HNF4A: variants seen among roughly 807,000 people sequenced by gnomAD.
HNF4A encodes the protein hepatocyte nuclear factor 4-alpha.
In HNF4A, 15 loss-of-function variants were observed where a neutral mutation model predicts 52.4. That is an observed-to-expected ratio of 0.29 (90% CI 0.19 to 0.44). HNF4A has a LOEUF of 0.44. Ranked by LOEUF, HNF4A falls within the 20% of genes least tolerant of loss-of-function variation. The pLI, the probability that HNF4A is intolerant of heterozygous loss-of-function variation, is 1.00. For synonymous variants in HNF4A, 280 were observed against 264.4 expected (o/e 1.06, Z -0.57); for missense variants, 479 against 647.2 (o/e 0.74, Z 2.82).
chr20:44,430,458 G>A lies in HNF4A; in HGVS notation c.*793G>A, dbSNP rs2063865242. ...TGCAACAGGAACTTGGAGTGGAGAG[G>A]AAAAGCATCAGAAAGAGGCAGACCA... On this transcript the variant is annotated 3_prime_UTR_variant, in exon 10 of 10. Transcript: ENST00000316099. 1 of 152,470 alleles carries A rather than the reference G, an allele frequency of 6.6e-6. No individual in the cohort carries two copies. Among genetic ancestry groups the A allele is most frequent in the Non-Finnish European group, 1.5e-5 (1 of 68,170 alleles). 9.4% of individuals were successfully genotyped at this position (152,470 alleles called of 1,614,324 possible).
intron 1 of HNF4A, among the ~76,000 whole-genome samples, chr20:44,383,107 C>T (rs2063175660): frequency 6.6e-6 from 1 of 152,082 alleles, no homozygotes; most frequent in Non-Finnish European, 1.5e-5. Flanking sequence ...GACTTGGAGG[C>T]TGCAGTGAGC....
chr20:44,358,742 G>A (rs1366657378), intron 1 of HNF4A, among the ~76,000 whole-genome samples: 2 of 152,208 alleles, frequency 1.3e-5, no homozygotes, highest in Non-Finnish European at 1.5e-5. Flanking sequence ...CAGGGACATG[G>A]CACATAGCAG....
chr20:44,401,288 G>A lies in HNF4A; in HGVS notation c.-85G>A, dbSNP rs1188243461. ...AAGGAAGGCAGAGAGGGCACTGGGA[G>A]GAGGCAGTGGGAGGGCGGAGGGCGG... On this transcript the variant is annotated 5_prime_UTR_variant, in exon 1 of 10. Transcript: ENST00000316099. 47 of 1,604,504 alleles carry A rather than the reference G, an allele frequency of 2.9e-5. No homozygotes were observed. Among genetic ancestry groups the A allele is most frequent in the Non-Finnish European group, 3.8e-5 (45 of 1,177,442 alleles).
chr20:44,371,187 C>A (rs1413333791), intron 1 of HNF4A, among the ~76,000 whole-genome samples: 1 of 152,232 alleles, frequency 6.6e-6, no homozygotes, highest in African/African-American at 2.4e-5. Context: ...CACACAGGAT[C>A]TCAGGTACTT....
At position 44,429,519 on chromosome 20, in the gene HNF4A, C is replaced by T. The variant is rs1332980300; in HGVS notation, c.1283-4C>T. ...AGCCCCTGTCTGTCTGTTTGTCCTTCCAGCCACCCCTGAGACCCCACAGCC... is the reference window on the plus strand; with the variant it reads ...AGCCCCTGTCTGTCTGTTTGTCCTTTCAGCCACCCCTGAGACCCCACAGCC... On this transcript the variant is annotated splice_region_variant and splice_polypyrimidine_tract_variant and intron_variant, in intron 9 of 9. Transcript: ENST00000316099. 1.2e-6 allele frequency: 2 copies of T among 1,614,136 alleles called. No individual in the cohort carries two copies. Among genetic ancestry groups the T allele is most frequent in the South Asian group, 2.2e-5 (2 of 91,080 alleles).
chr20:44,406,688 G>T (rs150373196), intron 2 of HNF4A, among the ~76,000 whole-genome samples: 3 of 152,306 alleles, frequency 2.0e-5, no homozygotes, highest in Non-Finnish European at 2.9e-5. Flanking sequence ...GCCCTCTTTC[G>T]AAAGCATCTC....
chr20:44,387,240 A>G (rs962098588), intron 1 of HNF4A, among the ~76,000 whole-genome samples: 1 of 146,982 alleles, frequency 6.8e-6, no homozygotes, highest in African/African-American at 2.5e-5. Flanking sequence ...GCAAGCCGAG[A>G]TCGTGCCATT....
intron 3 of HNF4A, among the ~76,000 whole-genome samples, chr20:44,412,135 A>G (rs1341836343): frequency 6.6e-6 from 1 of 152,186 alleles, no homozygotes; most frequent in Non-Finnish European, 1.5e-5. Flanking sequence ...TTCATTGAGT[A>G]CCTACTGTGA....
Position 44,424,038 on chromosome 20 carries a change from C to T in HNF4A, c.913C>T (p.Pro305Ser), listed in dbSNP as rs2146467686. 1 of 1,613,120 alleles carries T rather than the reference C, an allele frequency of 6.2e-7. No homozygotes were observed. Among genetic ancestry groups the T allele is most frequent in the Non-Finnish European group, 8.5e-7 (1 of 1,179,916 alleles). Residue 305 changes from proline to serine, a missense_variant, in exon 8 of 10, where the codon CCA becomes TCA. Physicochemically the swap from Pro to Ser is moderately conservative, Grantham distance 74 (BLOSUM62 -1). Coordinates refer to ENST00000316099, the MANE Select transcript of HNF4A (RefSeq NM_000457.6). ...TGTAGATGCCAAGGGGCTGAGCGAT[C>T]CAGGGAAGATCAAGCGGCTGCGTTC...
intron 6 of HNF4A, 90 bp downstream of exon 6, chr20:44,418,602 G>T: frequency 1.0e-6 from 1 of 989,526 alleles, no homozygotes; most frequent in Non-Finnish European, 1.6e-6. Context: ...ATGGTGGCAT[G>T]CAAGGGTGAG....
intron 5 of HNF4A, among the ~76,000 whole-genome samples, chr20:44,415,411 T>A (rs1186712895): frequency 6.6e-6 from 1 of 152,146 alleles, no homozygotes; most frequent in South Asian, 2.1e-4. Flanking sequence ...AATACTGAAA[T>A]GTCCCTAGGG....
chr20:44,382,245 C>CTTTCTT (rs1555809398), intron 1 of HNF4A, among the ~76,000 whole-genome samples: 17 of 145,870 alleles, frequency 1.2e-4, no homozygotes, highest in African/African-American at 4.3e-4. Flanking sequence ...TTCTTTCTTT[C>CTTTCTT]TTTTTTTTTT....
intron 8 of HNF4A, among the ~76,000 whole-genome samples, chr20:44,426,656 A>G (rs1405281992): frequency 6.6e-6 from 1 of 152,090 alleles, no homozygotes; most frequent in Non-Finnish European, 1.5e-5. Context: ...TACAAAAAAA[A>G]ATTAGCCAGA....
At position 44,431,294 on chromosome 20, in the gene HNF4A, C is replaced by T. The variant is rs1235166314; in HGVS notation, c.*1629C>T. On this transcript the variant is annotated 3_prime_UTR_variant, in exon 10 of 10. Transcript: ENST00000316099. ...GAAACCAGACTCGTTCTTCTGGGAACCCTGCCCACTCCCAGGACCAAGATT... is the reference window on the plus strand; with the variant it reads ...GAAACCAGACTCGTTCTTCTGGGAATCCTGCCCACTCCCAGGACCAAGATT... 6.6e-6 allele frequency: 1 copy of T among 152,346 alleles called. No homozygotes were observed. The highest frequency in any genetic ancestry group is 2.4e-5 in the African/African-American group (1 of 41,430). The allele number at this position is 152,346 out of a possible 1,614,324, so 9.4% of individuals were successfully genotyped here. A position where few individuals can be genotyped will look rare whatever the true frequency, so the allele number is the denominator to read the frequency against.
At chr20:44,407,582 C>T in intron 3 of HNF4A, 107 bp downstream of exon 3, 2 of 805,348 alleles carry the variant, frequency 2.5e-6, no homozygotes, top group Non-Finnish European at 2.1e-6. Context: ...GTGGCAGGCC[C>T]CAGGGTGACT....
chr20:44,429,690 C>T lies in HNF4A; in HGVS notation c.*25C>T, dbSNP rs768461125. The T allele has an allele frequency of 1.2e-6, 2 of 1,613,170 alleles. No individual in the cohort carries two copies. Among genetic ancestry groups the T allele is most frequent in the South Asian group, 2.2e-5 (2 of 91,068 alleles). ...GCAAGCCGCTGGGGCTTGGGGGCTC[C>T]ACTGGCTCCCCCCAGCCCCCTAAGA... On this transcript the variant is annotated 3_prime_UTR_variant, in exon 10 of 10. Coordinates refer to ENST00000316099, the MANE Select transcript of HNF4A (RefSeq NM_000457.6).
intron 5 of HNF4A, among the ~76,000 whole-genome samples, chr20:44,417,577 A>G (rs1448336809): frequency 1.3e-5 from 2 of 152,062 alleles, no homozygotes; most frequent in Non-Finnish European, 2.9e-5. Flanking sequence ...GATTTCCCAA[A>G]CAGAATTGCA....
At chr20:44,387,657 G>C (rs1259532558) in intron 1 of HNF4A, among the ~76,000 whole-genome samples, 2 of 73,612 alleles carry the variant, frequency 2.7e-5, no homozygotes, top group East Asian at 5.6e-4. Flanking sequence ...GAGGCAGGCG[G>C]GGGGGGGGGG....
chr20:44,385,159 C>A (rs2146270899), intron 1 of HNF4A, among the ~76,000 whole-genome samples: 1 of 138,374 alleles, frequency 7.2e-6, no homozygotes, highest in East Asian at 2.3e-4. Flanking sequence ...TCACCACTTG[C>A]TATCTAGGGA....
Sources: allele counts gnomAD v4.1 joint callset (sites outside exome capture counted in the v4.1 genomes callset), GRCh38; gene constraint gnomAD v4.1.1; transcripts MANE v1.5; gene names NCBI Gene and HGNC (gene_info 2026-07-23, HGNC 2026-07-21).